The following ENPP6 variants were observed in gnomAD, a reference collection of about 807,000 sequenced individuals.
ENPP6 encodes glycerophosphocholine cholinephosphodiesterase ENPP6.
A neutral mutation model predicts 42.0 loss-of-function variants in ENPP6; 32 were observed. The observed-to-expected ratio is 0.76, with a 90% CI of 0.58 to 1.02. ENPP6 has a LOEUF of 1.02. Among genes scored for constraint, ENPP6 ranks in the 50% least tolerant of loss-of-function variants. The pLI, the probability that ENPP6 is intolerant of heterozygous loss-of-function variation, is 0.00. For missense variants in ENPP6, 552 were observed against 566.8 expected (o/e 0.97, Z 0.27); for synonymous variants, 213 against 216.0 (o/e 0.99, Z 0.12).
At chr4:184,142,995 ACGTGCCT>A (rs1381503578) in intron 2 of ENPP6, among the ~76,000 whole-genome samples, 1 of 152,306 alleles carries the variant, frequency 6.6e-6, no homozygotes, top group East Asian at 1.9e-4. Flanking sequence ...TGTCTGAGGC[ACGTGCCT>A]CATGACCTTC....
At chr4:184,161,668 G>GTGTA (rs146298342) in intron 1 of ENPP6, among the ~76,000 whole-genome samples, 16 of 74,190 alleles carry the variant, frequency 2.2e-4, no homozygotes, top group Admixed American at 1.3e-3. Context: ...AGAAAATGTG[G>GTGTA]TATATATATA....
intron 6 of ENPP6, among the ~76,000 whole-genome samples, chr4:184,111,407 G>A (rs1255361775): frequency 1.8e-4 from 28 of 152,316 alleles, no homozygotes; most frequent in Admixed American, 1.8e-3. Flanking sequence ...TGACTTGCTT[G>A]ACCACATATG....
chr4:184,205,156 C>T (rs1285298769), intron 1 of ENPP6, among the ~76,000 whole-genome samples: 1 of 152,188 alleles, frequency 6.6e-6, no homozygotes, highest in African/African-American at 2.4e-5. Context: ...TGGTCTCGAA[C>T]TCCTGACCTC....
chr4:184,198,104 C>T (rs953235735), intron 1 of ENPP6, among the ~76,000 whole-genome samples: 16 of 152,228 alleles, frequency 1.1e-4, no homozygotes, highest in African/African-American at 3.9e-4. Flanking sequence ...GCATATGATG[C>T]ACTGGGCAGT....
chr4:184,094,536 T>C (rs1735864017), intron 7 of ENPP6, among the ~76,000 whole-genome samples: 1 of 152,226 alleles, frequency 6.6e-6, no homozygotes, highest in Non-Finnish European at 1.5e-5. Flanking sequence ...TTTAGAAAAT[T>C]CCTGAAGAGC....
intron 1 of ENPP6, among the ~76,000 whole-genome samples, chr4:184,172,514 C>T (rs147804202): frequency 6.6e-6 from 1 of 152,276 alleles, no homozygotes; most frequent in African/African-American, 2.4e-5. Context: ...AAGGGTAATG[C>T]TGGCAGCCAT....
At chr4:184,213,478 C>G (rs1173869444) in intron 1 of ENPP6, among the ~76,000 whole-genome samples, 7 of 152,102 alleles carry the variant, frequency 4.6e-5, no homozygotes, top group Non-Finnish European at 1.0e-4. Context: ...GGCCAAAAAA[C>G]ACATGAAAAA....
intron 6 of ENPP6, among the ~76,000 whole-genome samples, chr4:184,101,494 C>T (rs1297159855): frequency 6.6e-6 from 1 of 151,964 alleles, no homozygotes; most frequent in East Asian, 1.9e-4. Flanking sequence ...CTTGAATGAC[C>T]TGGGTGGGAA....
chr4:184,124,579 C>G (rs571462318), intron 2 of ENPP6, among the ~76,000 whole-genome samples: 1 of 152,160 alleles, frequency 6.6e-6, no homozygotes, highest in African/African-American at 2.4e-5. Flanking sequence ...TACACAAATA[C>G]CTCAATTGAA....
intron 1 of ENPP6, among the ~76,000 whole-genome samples, chr4:184,155,720 A>G (rs1206256505): frequency 6.6e-6 from 1 of 152,352 alleles, no homozygotes; most frequent in African/African-American, 2.4e-5. Context: ...TGGAGGCTTC[A>G]CATGATGTAG....
intron 2 of ENPP6, among the ~76,000 whole-genome samples, chr4:184,129,870 G>T (rs1736565294): frequency 6.6e-6 from 1 of 152,206 alleles, no homozygotes; most frequent in African/African-American, 2.4e-5. Flanking sequence ...CCAAAAAAGA[G>T]TAGAAGTAAA....
intron 6 of ENPP6, among the ~76,000 whole-genome samples, chr4:184,098,344 G>A (rs948691810): frequency 6.6e-6 from 1 of 152,186 alleles, no homozygotes; most frequent in Admixed American, 6.5e-5. Context: ...GCATTGAACC[G>A]AATGGCGGGA....
At chr4:184,109,243 CAAAA>C (rs1736160078) in intron 6 of ENPP6, among the ~76,000 whole-genome samples, 1 of 134,024 alleles carries the variant, frequency 7.5e-6, no homozygotes, top group South Asian at 2.8e-4. Context: ...CAAAAAAAAA[CAAAA>C]CAAACAAACA....
chr4:184,147,654 A>G (rs1579635125), intron 2 of ENPP6, among the ~76,000 whole-genome samples: 2 of 152,012 alleles, frequency 1.3e-5, no homozygotes, highest in African/African-American at 4.8e-5. Context: ...TAAAAAACTT[A>G]GCAGGGTGGG....
At chr4:184,171,152 C>A (rs1246985770) in intron 1 of ENPP6, among the ~76,000 whole-genome samples, 1 of 152,212 alleles carries the variant, frequency 6.6e-6, no homozygotes, top group Non-Finnish European at 1.5e-5. Flanking sequence ...GCAGCACCAG[C>A]AAGGGCAGCT....
At chr4:184,200,664 T>G (rs775891363) in intron 1 of ENPP6, among the ~76,000 whole-genome samples, 21 of 152,232 alleles carry the variant, frequency 1.4e-4, no homozygotes, top group Non-Finnish European at 2.6e-4. Flanking sequence ...AGCCGGCTCC[T>G]CTGCCCCCTT....
chr4:184,091,939 T>C (rs554167211), intron 7 of ENPP6, among the ~76,000 whole-genome samples: 2 of 152,140 alleles, frequency 1.3e-5, no homozygotes, highest in Non-Finnish European at 2.9e-5. Context: ...TGCATAACTG[T>C]GCTCTCTTTG....
At chr4:184,163,287 T>A (rs6837912) in intron 1 of ENPP6, among the ~76,000 whole-genome samples, 9,203 of 152,134 alleles carry the variant, frequency 0.06, 895 homozygotes, top group African/African-American at 0.2. Flanking sequence ...TCCCTGCAAT[T>A]TCAGAGGTGA....
In ENPP6 at chr4:184,153,672, C is replaced by T. The variant is rs888227503; in HGVS notation, c.303G>A (p.Lys101=). The T allele has an allele frequency of 6.2e-7, 1 of 1,614,020 alleles. No individual in the cohort carries two copies. The highest frequency in any genetic ancestry group is 8.5e-7 in the Non-Finnish European group (1 of 1,180,022). The change falls in exon 2 of 8, where the codon AAG becomes AAA. Residue 101 remains lysine, a synonymous_variant. Transcript: ENST00000296741. ...CTTTGTTGACGCCAATGTCAAAGGA[C>T]TTGTTGGTGGTGGGGTCCCACATGT... ...GNYMWDPTTN[K]SFDIGVNKDS... is the part of the protein sequence containing the mutation.
Sources: gnomAD v4.1 joint callset for allele counts (sites outside exome capture counted in the v4.1 genomes callset) on GRCh38, gnomAD v4.1.1 for gene constraint, MANE v1.5 for transcripts, NCBI Gene and HGNC (gene_info 2026-07-23, HGNC 2026-07-21) for gene names.